Variants in PPP1R12B observed in about 807,000 individuals in gnomAD.
PPP1R12B encodes protein phosphatase 1 regulatory subunit 12B, also known as myosin phosphatase target subunit 2.
Under a neutral mutation model 126.1 loss-of-function variants are expected in PPP1R12B, and 76 were observed. The observed-to-expected ratio is 0.60, with a 90% CI of 0.50 to 0.73. The LOEUF is 0.73. Ranked by LOEUF, PPP1R12B falls within the 30% of genes least tolerant of loss-of-function variation. The pLI is 0.00. For missense variants in PPP1R12B, 1,052 were observed against 1,205.1 expected (o/e 0.87, Z 1.88); for synonymous variants, 356 against 434.7 (o/e 0.82, Z 2.25).
chr1:202,540,575 C>T (rs1454246646), intron 18 of PPP1R12B, among the ~76,000 whole-genome samples: 1 of 152,176 alleles, frequency 6.6e-6, no homozygotes, highest in African/African-American at 2.4e-5. Flanking sequence ...TCAATTTCTA[C>T]AGCTATTTTA....
chr1:202,382,490 CAA>C (rs753837011), intron 1 of PPP1R12B, among the ~76,000 whole-genome samples: 5 of 122,740 alleles, frequency 4.1e-5, no homozygotes, highest in Admixed American at 8.0e-5. Flanking sequence ...AATAAAAAGG[CAA>C]AAAAAAAAAA....
Position 202,431,578 on chromosome 1 carries a change from G to A in PPP1R12B, c.1100G>A (p.Gly367Asp). 6.2e-6 allele frequency: 10 copies of A among 1,611,408 alleles called. No homozygotes were observed. The highest frequency in any genetic ancestry group is 7.6e-6 in the Non-Finnish European group (9 of 1,179,286). ...AGCTCCAGCTCAGAGGAGGAGGAAGGTGAAGATGAAGCTTCTGAGTCAGAA... is the reference window on the plus strand; with the variant it reads ...AGCTCCAGCTCAGAGGAGGAGGAAGATGAAGATGAAGCTTCTGAGTCAGAA... ...SSSSSSEEEEGEDEASESETE... is the reference protein window; with the variant it reads ...SSSSSSEEEEDEDEASESETE... The change falls in exon 8 of 24, where the codon GGT becomes GAT. Residue 367 changes from glycine to aspartate, a missense_variant. By Grantham distance (94) the Gly-to-Asp change is moderately conservative. Coordinates refer to ENST00000608999, the MANE Select transcript of PPP1R12B (RefSeq NM_002481.4).
chr1:202,495,156 A>C (rs1462097744), intron 15 of PPP1R12B, 137 bp from the exon 16 acceptor site: 3 of 540,584 alleles, frequency 5.5e-6, no homozygotes, highest in Non-Finnish European at 8.9e-6. Flanking sequence ...TTGAGTGCCT[A>C]TTACCAGGTA....
chr1:202,434,591 G>A, intron 8 of PPP1R12B, 65 bp from the exon 9 acceptor site: 5 of 1,557,990 alleles, frequency 3.2e-6, no homozygotes, highest in Non-Finnish European at 4.3e-6. Context: ...TAGCAGAAAA[G>A]GACATAGACA....
intron 18 of PPP1R12B, among the ~76,000 whole-genome samples, chr1:202,512,563 A>C (rs560013760): frequency 6.6e-6 from 1 of 152,208 alleles, no homozygotes; most frequent in East Asian, 1.9e-4. Context: ...AAGTTCTTTA[A>C]TCTGTAAAAA....
chr1:202,371,858 C>CTTTTTTTTTTTTT (rs1193939057), intron 1 of PPP1R12B, among the ~76,000 whole-genome samples: 4 of 75,354 alleles, frequency 5.3e-5, no homozygotes, highest in Admixed American at 1.9e-4. Flanking sequence ...ATTATAGTTT[C>CTTTTTTTTTTTTT]TTTTTTTTTT....
chr1:202,564,028 C>G (rs147700436), intron 20 of PPP1R12B, among the ~76,000 whole-genome samples: 1 of 152,278 alleles, frequency 6.6e-6, no homozygotes, highest in Non-Finnish European at 1.5e-5. Flanking sequence ...CTACTACACT[C>G]CAGCCTGGGT....
intron 1 of PPP1R12B, among the ~76,000 whole-genome samples, chr1:202,350,652 G>A (rs930432870): frequency 2.7e-4 from 40 of 148,234 alleles, no homozygotes; most frequent in African/African-American, 9.5e-4. Flanking sequence ...TCAGAGTCTC[G>A]CTCTGTTGCC....
At chr1:202,462,804 G>A in intron 13 of PPP1R12B, 1 of 985,398 alleles carries the variant, frequency 1.0e-6, no homozygotes, top group Non-Finnish European at 1.2e-6. Context: ...CAGAGGAGTG[G>A]CCACCTGTTT....
rs1442866535 is a variant in PPP1R12B at position 202,498,625 on chromosome 1, T to A, written c.2490+1803T>A. Among the ~76,000 whole-genome samples, 3 of 152,244 alleles carry A rather than the reference T, an allele frequency of 2.0e-5. No individual in the cohort carries two copies. The South Asian group carries it at 6.2e-4, about 31-fold the overall frequency. ...CATGATGCCATTATCTATATGGGCC[T>A]ACAGAGCCACATGCCTGGTCATGGC... On this transcript the variant is annotated intron_variant, in intron 18 of 23. Coordinates refer to ENST00000608999, the MANE Select transcript of PPP1R12B (RefSeq NM_002481.4).
At chr1:202,552,130 TTGA>T (rs1348239895) in intron 18 of PPP1R12B, among the ~76,000 whole-genome samples, 1 of 152,244 alleles carries the variant, frequency 6.6e-6, no homozygotes, top group Non-Finnish European at 1.5e-5. Flanking sequence ...AATTGAAAAT[TTGA>T]TGATAATTTT....
chr1:202,471,390 ATTCTTGTTCATG>A (rs1026995076), intron 13 of PPP1R12B, among the ~76,000 whole-genome samples: 13 of 148,148 alleles, frequency 8.8e-5, no homozygotes, highest in Non-Finnish European at 1.6e-4. Context: ...TGCTGTTTAC[ATTCTTGTTCATG>A]TTTCTTACAC....
chr1:202,584,523 A>G lies in PPP1R12B; in HGVS notation c.*3963A>G, dbSNP rs1177292178. The G allele has an allele frequency of 6.6e-6, 1 of 152,200 alleles. No homozygotes were observed. Among genetic ancestry groups the G allele is most frequent in the Non-Finnish European group, 1.5e-5 (1 of 68,034 alleles). The allele number at this position is 152,200 out of a possible 1,614,324, so 9.4% of individuals were successfully genotyped here. A position where few individuals can be genotyped will look rare whatever the true frequency, so the allele number is the denominator to read the frequency against. ...GATGGAAGAAGAAACTCTCAAAGCC[A>G]TGTACTTTGTTAGGTGTCTGGATTT... is the stretch of plus-strand genomic sequence containing the variant. On this transcript the variant is annotated 3_prime_UTR_variant, in exon 24 of 24. Transcript: ENST00000608999.
intron 18 of PPP1R12B, among the ~76,000 whole-genome samples, chr1:202,513,564 A>G (rs751740504): frequency 1.4e-4 from 22 of 152,196 alleles, no homozygotes; most frequent in Non-Finnish European, 2.8e-4. Flanking sequence ...GCTAGAGATA[A>G]AGAGTTGAAA....
chr1:202,474,624 G>C (rs538871579), intron 13 of PPP1R12B, among the ~76,000 whole-genome samples: 2 of 152,124 alleles, frequency 1.3e-5, no homozygotes, highest in South Asian at 4.1e-4. Context: ...TGTTTTATGA[G>C]TTGGATCTGG....
At chr1:202,459,000 C>G (rs1673980952) in intron 13 of PPP1R12B, among the ~76,000 whole-genome samples, 1 of 152,196 alleles carries the variant, frequency 6.6e-6, no homozygotes, top group Admixed American at 6.5e-5. Context: ...TTAAATTGCA[C>G]AGCTGGCTCT....
intron 1 of PPP1R12B, among the ~76,000 whole-genome samples, chr1:202,412,902 G>T (rs566656793): frequency 6.6e-6 from 1 of 152,254 alleles, no homozygotes; most frequent in African/African-American, 2.4e-5. Context: ...ATATGGGATT[G>T]CAAATGGGCA....
chr1:202,471,260 A>T (rs189974656), intron 13 of PPP1R12B, among the ~76,000 whole-genome samples: 9 of 152,062 alleles, frequency 5.9e-5, no homozygotes, highest in Admixed American at 5.9e-4. Context: ...GTTCATTCTA[A>T]ATGTTTATTT....
Position 202,515,143 on chromosome 1 carries a change from A to AGGGAGGAGGGT in PPP1R12B, c.2490+18322_2490+18332dup, listed in dbSNP as rs1184990273. On this transcript the variant is annotated intron_variant, in intron 18 of 23. Transcript: ENST00000608999. ...AACAACAGACACTGGGGTCTACTTG[A>AGGGAGGAGGGT]GGGAGGAGGGTAGGAGGAGGGAGAG... Among the ~76,000 whole-genome samples the AGGGAGGAGGGT allele has an allele frequency of 2.6e-5, 4 of 152,278 alleles. No individual in the cohort carries two copies. In the South Asian group the frequency reaches 6.2e-4, roughly 24 times the overall value.
Sources: gnomAD v4.1 joint callset for allele counts (sites outside exome capture counted in the v4.1 genomes callset) on GRCh38, gnomAD v4.1.1 for gene constraint, MANE v1.5 for transcripts, NCBI Gene and HGNC (gene_info 2026-07-23, HGNC 2026-07-21) for gene names.